PKP4: variants seen among roughly 807,000 people sequenced by gnomAD.
PKP4 encodes the protein plakophilin-4.
Under a neutral mutation model 145.1 loss-of-function variants are expected in PKP4, and 90 were observed. That is an observed-to-expected ratio of 0.62 (90% CI 0.52 to 0.74). The LOEUF (loss-of-function observed/expected upper bound fraction) is 0.74, where lower values mean the gene tolerates loss of function less well. Ranked by LOEUF, PKP4 falls within the 30% of genes least tolerant of loss-of-function variation. PKP4 has a pLI of 0.00. For missense variants in PKP4, 1,340 were observed against 1,482.7 expected (o/e 0.90, Z 1.58); for synonymous variants, 563 against 577.2 (o/e 0.98, Z 0.35).
intron 19 of PKP4, among the ~76,000 whole-genome samples, 190 bp downstream of exon 19, chr2:158,674,190 A>G (rs2106016952): frequency 1.3e-5 from 2 of 152,350 alleles, no homozygotes; most frequent in South Asian, 4.1e-4. Context: ...TTAAAAGTGT[A>G]TACAATTTTA....
At chr2:158,491,173 T>C (rs988703020) in intron 1 of PKP4, among the ~76,000 whole-genome samples, 3 of 152,176 alleles carry the variant, frequency 2.0e-5, no homozygotes, top group African/African-American at 7.2e-5. Context: ...CCCCTCCTTC[T>C]GTGATGGTTA....
chr2:158,479,134 T>G (rs1692953289), intron 1 of PKP4, among the ~76,000 whole-genome samples: 1 of 152,162 alleles, frequency 6.6e-6, no homozygotes, highest in African/African-American at 2.4e-5. Flanking sequence ...TAGTATTGTT[T>G]TTTAAACCTT....
chr2:158,495,081 G>A (rs773133638), intron 1 of PKP4, among the ~76,000 whole-genome samples: 27 of 151,950 alleles, frequency 1.8e-4, no homozygotes, highest in Admixed American at 7.9e-4. Context: ...AGCCGGGCAC[G>A]GTGGCGGGCA....
At chr2:158,581,958 T>C (rs2048366398) in intron 3 of PKP4, among the ~76,000 whole-genome samples, 1 of 152,206 alleles carries the variant, frequency 6.6e-6, no homozygotes, top group Non-Finnish European at 1.5e-5. Context: ...TAAAAATTAA[T>C]AAAACTAGCA....
intron 9 of PKP4, among the ~76,000 whole-genome samples, chr2:158,639,528 A>T (rs1228325641): frequency 6.6e-6 from 1 of 152,188 alleles, no homozygotes; most frequent in Non-Finnish European, 1.5e-5. Flanking sequence ...CTCAGTATGA[A>T]TTCTTTTTTT....
chr2:158,640,994 T>C (rs1419308710), intron 10 of PKP4, among the ~76,000 whole-genome samples: 1 of 152,216 alleles, frequency 6.6e-6, no homozygotes, highest in Non-Finnish European at 1.5e-5. Context: ...TCTACTTCAT[T>C]AGCTTATTTA....
At chr2:158,574,026 A>G (rs934664876) in intron 2 of PKP4, among the ~76,000 whole-genome samples, 15 of 152,204 alleles carry the variant, frequency 9.9e-5, no homozygotes, top group African/African-American at 3.4e-4. Context: ...TGTCTACCAA[A>G]TATGGCTCAT....
chr2:158,488,081 A>T (rs1318492088), intron 1 of PKP4, among the ~76,000 whole-genome samples: 1 of 152,150 alleles, frequency 6.6e-6, no homozygotes, highest in Non-Finnish European at 1.5e-5. Context: ...TATATCCACA[A>T]ATTTATTACT....
At chr2:158,619,686 T>C (rs139292804) in intron 4 of PKP4, among the ~76,000 whole-genome samples, 1 of 152,276 alleles carries the variant, frequency 6.6e-6, no homozygotes, top group East Asian at 1.9e-4. Flanking sequence ...GCTGCTGTTG[T>C]TACTGGGAAT....
At chr2:158,579,684 A>ATGAAAATAGAGTGT (rs979796193) in intron 3 of PKP4, among the ~76,000 whole-genome samples, 3 of 152,182 alleles carry the variant, frequency 2.0e-5, no homozygotes, top group Non-Finnish European at 4.4e-5. Context: ...TAAACTGTTA[A>ATGAAAATAGAGTGT]TAGGTACACT....
intron 2 of PKP4, among the ~76,000 whole-genome samples, chr2:158,540,359 ATTAG>A (rs2044410374): frequency 6.6e-6 from 1 of 152,188 alleles, no homozygotes; most frequent in Non-Finnish European, 1.5e-5. Context: ...CAAAATATTT[ATTAG>A]TTAATGAACT....
At chr2:158,512,470 C>G (rs1160449178) in intron 1 of PKP4, among the ~76,000 whole-genome samples, 1 of 152,204 alleles carries the variant, frequency 6.6e-6, no homozygotes, top group African/African-American at 2.4e-5. Context: ...ACATTCTCAG[C>G]CAGCTCTGTC....
At chr2:158,607,639 ATGT>A (rs967265220) in intron 4 of PKP4, among the ~76,000 whole-genome samples, 3 of 152,140 alleles carry the variant, frequency 2.0e-5, no homozygotes, top group Admixed American at 2.0e-4. Context: ...CGTGCCAGAA[ATGT>A]TGTTTAAAAT....
chr2:158,470,819 C>T (rs975327187), intron 1 of PKP4, among the ~76,000 whole-genome samples: 2 of 152,164 alleles, frequency 1.3e-5, no homozygotes, highest in African/African-American at 4.8e-5. Context: ...TGGACCTCCC[C>T]TGATGCTAAT....
chr2:158,626,517 G>A (rs987922529), intron 7 of PKP4, among the ~76,000 whole-genome samples: 1 of 152,176 alleles, frequency 6.6e-6, no homozygotes, highest in African/African-American at 2.4e-5. Context: ...TAGGGTAACT[G>A]GGATCCAGTA....
intron 3 of PKP4, among the ~76,000 whole-genome samples, chr2:158,587,432 T>G (rs1347291087): frequency 6.6e-6 from 1 of 152,046 alleles, no homozygotes; most frequent in East Asian, 1.9e-4. Flanking sequence ...GCCCTTACCC[T>G]TCATCATTAG....
intron 12 of PKP4, 96 bp from the exon 13 acceptor site, chr2:158,661,237 C>T: frequency 1.2e-6 from 1 of 858,872 alleles, no homozygotes; most frequent in South Asian, 1.5e-5. Context: ...GTGGCTGCCA[C>T]CTGTTGTTCG....
intron 1 of PKP4, among the ~76,000 whole-genome samples, chr2:158,496,433 C>T (rs1192372725): frequency 6.6e-6 from 1 of 152,138 alleles, no homozygotes; most frequent in African/African-American, 2.4e-5. Flanking sequence ...TTTGTTGGTG[C>T]ACCCCTCTTG....
At chr2:158,577,142 C>A in intron 2 of PKP4, 129 bp from the exon 3 acceptor site, 1 of 527,100 alleles carries the variant, frequency 1.9e-6, no homozygotes, top group Non-Finnish European at 3.4e-6. Context: ...AATTGCATTT[C>A]ACAAAGCCAC....
Sources: gnomAD v4.1 joint callset for allele counts (sites outside exome capture counted in the v4.1 genomes callset) on GRCh38, gnomAD v4.1.1 for gene constraint, MANE v1.5 for transcripts, NCBI Gene and HGNC (gene_info 2026-07-23, HGNC 2026-07-21) for gene names.